ATP7A: variants seen among roughly 807,000 people sequenced by gnomAD.
ATP7A encodes the protein copper-transporting ATPase 1.
ATP7A carries 7 observed loss-of-function variants against 83.5 expected under a neutral mutation model. That is an observed-to-expected ratio of 0.08 (90% CI 0.05 to 0.16). ATP7A has a LOEUF of 0.16. ATP7A is among the 10% of genes least tolerant of loss of function. The probability of loss-of-function intolerance (pLI) is 1.00; values close to 1 mark genes in which losing one functional copy is unlikely to be tolerated. For missense variants in ATP7A, 940 were observed against 1,120.8 expected, an observed-to-expected ratio of 0.84 and a Z score of 2.30; for synonymous variants, 354 against 395.2, an observed-to-expected ratio of 0.90 and a Z score of 1.24.
At chrX:77,912,141 A>C (rs2077163996) in intron 1 of ATP7A, among the ~76,000 whole-genome samples, 1 of 111,653 alleles carries the variant, frequency 9.0e-6, no homozygotes, top group South Asian at 3.7e-4. Flanking sequence ...AGGTCATGAC[A>C]TGAGAGAGTT....
chrX:77,938,838 T>C (rs1282178461), intron 1 of ATP7A, among the ~76,000 whole-genome samples: 1 of 112,152 alleles, frequency 8.9e-6, no homozygotes, highest in East Asian at 2.8e-4. Flanking sequence ...TGTCTGTCCA[T>C]GTCTCCTTTT....
intron 2 of ATP7A, among the ~76,000 whole-genome samples, chrX:77,984,746 G>C (rs1426569232): frequency 3.6e-5 from 4 of 111,641 alleles, no homozygotes; most frequent in African/African-American, 1.3e-4. Context: ...GAGACCTTAG[G>C]TTTGAAAAGT....
At chrX:77,930,315 G>T (rs1557224042) in intron 1 of ATP7A, among the ~76,000 whole-genome samples, 1 of 111,947 alleles carries the variant, frequency 8.9e-6, no homozygotes, top group Admixed American at 9.5e-5. Context: ...GGACAGTGGG[G>T]TAGAGTGGAG....
At chrX:78,010,746 A>G (rs1374011812) in intron 7 of ATP7A, among the ~76,000 whole-genome samples, 1 of 107,530 alleles carries the variant, frequency 9.3e-6, no homozygotes, top group African/African-American at 3.4e-5. Flanking sequence ...TTTCCAGCTA[A>G]TTTTTTGTAT....
Position 77,988,435 on chromosome X carries a change from G to A in ATP7A, c.314G>A (p.Ser105Asn), listed in dbSNP as rs782475540. The stretch of plus-strand genomic sequence containing the variant: ...ACTTTGCCATGGGACCATATCCAAA[G>A]CACATTGCTGAAGACCAAGGGTGTG... ...SLTLPWDHIQ[S>N]TLLKTKGVTD... Residue 105 changes from serine to asparagine, a missense_variant, in exon 3 of 23, where the codon AGC (serine) becomes AAC (asparagine). Physicochemically the swap from Ser to Asn is conservative, Grantham distance 46 (BLOSUM62 1). Coordinates refer to ENST00000341514, the MANE Select transcript of ATP7A (RefSeq NM_000052.7). 11 of 1,209,626 alleles carry A rather than the reference G, an allele frequency of 9.1e-6. No individual in the cohort carries two copies. The Admixed American group carries it at 1.1e-4, about 12-fold the overall frequency.
chrX:77,914,556 C>A (rs2077175659), intron 1 of ATP7A, among the ~76,000 whole-genome samples: 1 of 111,151 alleles, frequency 9.0e-6, no homozygotes, highest in Admixed American at 9.6e-5. Context: ...CGCGCCACCA[C>A]ACTTGGTTAG....
intron 7 of ATP7A, among the ~76,000 whole-genome samples, chrX:78,010,123 T>C (rs1186362109): frequency 8.9e-6 from 1 of 112,731 alleles, no homozygotes; most frequent in Non-Finnish European, 1.9e-5. Flanking sequence ...TTACCATTTT[T>C]GTGAAACTAG....
At chrX:78,009,381 T>A in intron 7 of ATP7A, 118 bp downstream of exon 7, 1 of 828,545 alleles carries the variant, frequency 1.2e-6, no homozygotes, top group Non-Finnish European at 1.8e-6. Context: ...CTTTGAACAC[T>A]TCAAACAAGA....
chrX:77,999,463 A>G (rs2077725080), intron 5 of ATP7A, among the ~76,000 whole-genome samples: 2 of 112,494 alleles, frequency 1.8e-5, no homozygotes, highest in Middle Eastern at 4.2e-3. Context: ...AATATTGTAT[A>G]CAAGTGTTAA....
At chrX:78,036,635 C>A (rs1423867789) in intron 17 of ATP7A, among the ~76,000 whole-genome samples, 1 of 111,566 alleles carries the variant, frequency 9.0e-6, no homozygotes, top group Non-Finnish European at 1.9e-5. Context: ...AATCCCAGCA[C>A]TTTGGGAGGC....
chrX:77,930,121 C>T (rs782780984), intron 1 of ATP7A, among the ~76,000 whole-genome samples: 2 of 111,854 alleles, frequency 1.8e-5, no homozygotes, highest in Non-Finnish European at 3.8e-5. Flanking sequence ...TCTCACATTA[C>T]CCATGATAGG....
chrX:77,947,510 C>G (rs2077386681), intron 1 of ATP7A, among the ~76,000 whole-genome samples: 1 of 109,126 alleles, frequency 9.2e-6, no homozygotes, highest in African/African-American at 3.4e-5. Context: ...ACAATCTTGG[C>G]TCACTGCAAC....
chrX:78,022,505 G>GTTTGTTTGTTTA (rs782072664), intron 14 of ATP7A, among the ~76,000 whole-genome samples: 156 of 95,804 alleles, frequency 1.6e-3, no homozygotes, highest in African/African-American at 3.8e-3. Context: ...TTGTTTGTTT[G>GTTTGTTTGTTTA]TTTATTTATT....
chrX:77,988,989 CTT>C (rs1350282243), intron 3 of ATP7A, among the ~76,000 whole-genome samples: 5 of 111,286 alleles, frequency 4.5e-5, no homozygotes, highest in Admixed American at 9.6e-5. Flanking sequence ...CTAGGGTACT[CTT>C]TACCTCTAAT....
intron 1 of ATP7A, chrX:77,964,512 G>C (rs2077492768): frequency 9.1e-6 from 1 of 110,446 alleles, no homozygotes; most frequent in African/African-American, 3.3e-5. Flanking sequence ...GTGGTTTGCT[G>C]CACCCATCAA....
intron 2 of ATP7A, among the ~76,000 whole-genome samples, chrX:77,985,646 G>GT (rs113354945): frequency 0.27 from 30,062 of 109,318 alleles, 3,131 homozygotes; most frequent in South Asian, 0.35. Flanking sequence ...TTATTTAATA[G>GT]TTTTTTTTGT....
At chrX:78,039,298 G>GT (rs1459734553) in intron 18 of ATP7A, among the ~76,000 whole-genome samples, 17 of 110,504 alleles carry the variant, frequency 1.5e-4, no homozygotes, top group African/African-American at 5.3e-4. Context: ...ACAATGTCAG[G>GT]TTTTTTTTGT....
chrX:77,943,905 T>C (rs937773037), intron 1 of ATP7A, among the ~76,000 whole-genome samples: 1 of 112,340 alleles, frequency 8.9e-6, no homozygotes, highest in African/African-American at 3.2e-5. Flanking sequence ...CCTATAACTT[T>C]ATACATCTGT....
Position 77,935,353 on chromosome X carries a change from A to G in ATP7A, c.-22+24518A>G, listed in dbSNP as rs1278024001. 2.7e-5 allele frequency among the ~76,000 whole-genome samples: 3 copies of G among 112,229 alleles called. No homozygotes were observed. In the East Asian group the frequency reaches 8.3e-4, roughly 31 times the overall value. On this transcript the variant is annotated intron_variant, in intron 1 of 22. Coordinates refer to ENST00000341514, the MANE Select transcript of ATP7A (RefSeq NM_000052.7). ...CAATTCTTTTCTTTTTCAGTCATGG[A>G]AAACTAAAGCTTAAGGAGACAAGTG...
Sources: allele counts gnomAD v4.1 joint callset (sites outside exome capture counted in the v4.1 genomes callset), GRCh38; gene constraint gnomAD v4.1.1; transcripts MANE v1.5; gene names NCBI Gene and HGNC (gene_info 2026-07-23, HGNC 2026-07-21).